Variants in RFTN1 observed in about 807,000 individuals in gnomAD.
RFTN1 encodes the protein raftlin.
Under a neutral mutation model 46.5 loss-of-function variants are expected in RFTN1, and 26 were observed. That is an observed-to-expected ratio of 0.56 (90% CI 0.41 to 0.78). RFTN1 has a LOEUF of 0.78. RFTN1 is among the 30% of genes least tolerant of loss of function. The probability of loss-of-function intolerance (pLI) is 0.00; values close to 1 mark genes in which losing one functional copy is unlikely to be tolerated. For missense variants in RFTN1, 693 were observed against 718.7 expected (o/e 0.96, Z 0.41); for synonymous variants, 261 against 284.2 (o/e 0.92, Z 0.82).
chr3:16,401,513 C>A (rs1294462629), intron 4 of RFTN1, among the ~76,000 whole-genome samples: 1 of 152,090 alleles, frequency 6.6e-6, no homozygotes. Flanking sequence ...TCCCACTTGA[C>A]CTCCTCCCAG....
Position 16,377,877 on chromosome 3 carries a change from G to C in RFTN1, c.667C>G (p.Pro223Ala). The C allele has an allele frequency of 1.2e-6, 2 of 1,614,200 alleles. No individual in the cohort carries two copies. Among genetic ancestry groups the C allele is most frequent in the Non-Finnish European group, 1.7e-6 (2 of 1,180,034 alleles). ...APAGRNQSPE[P>A]SSGPRGEVPL... is the part of the protein sequence containing the mutation. ...ACCTCCCCTCTGGGGCCTGAGCTGG[G>C]CTCTGGGCTTTGGTTTCTCCCAGCC... is the stretch of plus-strand genomic sequence containing the variant. The change falls in exon 5 of 10, where the codon CCC becomes GCC. Residue 223 changes from proline to alanine, a missense_variant. Physicochemically the swap from Pro to Ala is conservative, Grantham distance 27. Coordinates refer to ENST00000334133, the MANE Select transcript of RFTN1 (RefSeq NM_015150.2).
At chr3:16,501,961 G>A (rs1409776556) in intron 1 of RFTN1, among the ~76,000 whole-genome samples, 7 of 152,166 alleles carry the variant, frequency 4.6e-5, no homozygotes, top group Admixed American at 4.6e-4. Context: ...TTTTAAAAGT[G>A]CCTGTGTATT....
In RFTN1 at chr3:16,374,739, G is replaced by A. The variant is rs2125370316; in HGVS notation, c.826+2979C>T. 6.6e-6 allele frequency among the ~76,000 whole-genome samples: 1 copy of A among 152,324 alleles called. No individual in the cohort carries two copies. The highest frequency in any genetic ancestry group is 2.1e-4 in the South Asian group (1 of 4,824). On this transcript the variant is annotated intron_variant, in intron 5 of 9. Coordinates refer to ENST00000334133, the MANE Select transcript of RFTN1 (RefSeq NM_015150.2). This position sits in a 1 kb window ranked among gnomAD's most constrained non-coding sequence, Gnocchi z 5.4. ...TGGAAGCTGTGGCAACGGAGACACT[G>A]AGGCTGTCCCTGCACAGGCTCAGGT...
At chr3:16,423,452 C>T (rs527729832) in intron 3 of RFTN1, among the ~76,000 whole-genome samples, 1 of 152,150 alleles carries the variant, frequency 6.6e-6, no homozygotes, top group African/African-American at 2.4e-5. Flanking sequence ...CACAGCTAAA[C>T]AATTAAAGAG....
rs2071755177 is a variant in RFTN1, at chr3:16,346,863, G to A, written c.1146+11069C>T. On this transcript the variant is annotated intron_variant, in intron 7 of 9. Coordinates refer to ENST00000334133, the MANE Select transcript of RFTN1 (RefSeq NM_015150.2). The surrounding 1 kb of genome is among the most constrained non-coding windows in gnomAD (Gnocchi z 4.4). ...GACAGGCTGAGGATGAGTACAGAAA[G>A]ATGGCAACATCTGGATCCCTGGTGG... Among the ~76,000 whole-genome samples, 1 of 152,180 alleles carries A rather than the reference G, an allele frequency of 6.6e-6. No homozygotes were observed. The highest frequency in any genetic ancestry group is 6.5e-5 in the Admixed American group (1 of 15,284).
intron 1 of RFTN1, among the ~76,000 whole-genome samples, chr3:16,510,461 T>C (rs952462017): frequency 2.2e-4 from 33 of 152,336 alleles, no homozygotes; most frequent in African/African-American, 7.7e-4. Context: ...AAATAAAATA[T>C]TCATCTGATC....
intron 1 of RFTN1, among the ~76,000 whole-genome samples, chr3:16,495,910 G>T (rs1434972397): frequency 6.6e-6 from 1 of 152,222 alleles, no homozygotes; most frequent in Non-Finnish European, 1.5e-5. Context: ...CTTCAGTAGG[G>T]GGGAAGTTAA....
chr3:16,442,585 G>A lies in RFTN1; in HGVS notation c.146-8548C>T, dbSNP rs556920713. 3.3e-5 allele frequency among the ~76,000 whole-genome samples: 5 copies of A among 152,144 alleles called. No individual in the cohort carries two copies. Among genetic ancestry groups the A allele is most frequent in the South Asian group, 2.1e-4 (1 of 4,816 alleles). On this transcript the variant is annotated intron_variant, in intron 2 of 9. Transcript: ENST00000334133. This position sits in a 1 kb window ranked among gnomAD's most constrained non-coding sequence, Gnocchi z 4.1. ...ACATAGTTAGTTTTCTTTTTTGTGC[G>A]TGGTAAGAGTACCTAAAATCTATTC...
chr3:16,481,231 G>A lies in RFTN1; in HGVS notation c.145+12494C>T, dbSNP rs2076361579. On this transcript the variant is annotated intron_variant, in intron 2 of 9. Transcript: ENST00000334133. This position sits in a 1 kb window ranked among gnomAD's most constrained non-coding sequence, Gnocchi z 5.1. ...TAACACTAACGCTAATAGCAGACTTGGTCGCAACATCAAAAGCAACAATAC... is the reference window on the plus strand; with the variant it reads ...TAACACTAACGCTAATAGCAGACTTAGTCGCAACATCAAAAGCAACAATAC... 6.6e-6 allele frequency among the ~76,000 whole-genome samples: 1 copy of A among 152,046 alleles called. No homozygotes were observed. Among genetic ancestry groups the A allele is most frequent in the Admixed American group, 6.6e-5 (1 of 15,262 alleles).
Position 16,409,420 on chromosome 3 carries a change from T to C in RFTN1, c.396A>G (p.Leu132=). 6.2e-7 allele frequency: 1 copy of C among 1,613,830 alleles called. No homozygotes were observed. The highest frequency in any genetic ancestry group is 1.1e-5 in the South Asian group (1 of 91,086). Residue 132 remains leucine, a synonymous_variant, in exon 4 of 10, where the codon TTA becomes TTG. Transcript: ENST00000334133. ...YILELDCCSS[L]DHPTDQKLIP... is the part of the protein sequence containing the mutation. ...TGAGTTTCTGGTCTGTCGGGTGGTCTAAGGAGGAACAGCAATCTAATTCCA... is the reference window on the plus strand; with the variant it reads ...TGAGTTTCTGGTCTGTCGGGTGGTCCAAGGAGGAACAGCAATCTAATTCCA...
rs538227865 is a variant in RFTN1, at chr3:16,489,945, G to A, written c.145+3780C>T. 1.3e-5 allele frequency among the ~76,000 whole-genome samples: 2 copies of A among 152,076 alleles called. No homozygotes were observed. The highest frequency in any genetic ancestry group is 3.9e-4 in the East Asian group (2 of 5,166). On this transcript the variant is annotated intron_variant, in intron 2 of 9. Coordinates refer to ENST00000334133, the MANE Select transcript of RFTN1 (RefSeq NM_015150.2). The surrounding 1 kb of genome is among the most constrained non-coding windows in gnomAD (Gnocchi z 4.0). ...AATAAAGAAAGAAAAATGAGGTGAG[G>A]ACGTAATGTCCTATCACAGGACTGG...
In RFTN1 at chr3:16,481,363, T is replaced by C. The variant is rs1179573533; in HGVS notation, c.145+12362A>G. On this transcript the variant is annotated intron_variant, in intron 2 of 9. Transcript: ENST00000334133. This position sits in a 1 kb window ranked among gnomAD's most constrained non-coding sequence, Gnocchi z 5.1. ...TTCAAACTGTAAGAGCATATTTATCTACTTTGAGACATGTTTTATGGGAAC... is the reference window on the plus strand; with the variant it reads ...TTCAAACTGTAAGAGCATATTTATCCACTTTGAGACATGTTTTATGGGAAC... 6.6e-6 allele frequency among the ~76,000 whole-genome samples: 1 copy of C among 152,218 alleles called. No individual in the cohort carries two copies. Among genetic ancestry groups the C allele is most frequent in the African/African-American group, 2.4e-5 (1 of 41,452 alleles).
At chr3:16,455,817 T>G (rs1196167270) in intron 2 of RFTN1, among the ~76,000 whole-genome samples, 1 of 152,200 alleles carries the variant, frequency 6.6e-6, no homozygotes, top group Non-Finnish European at 1.5e-5. Context: ...TAATTCTACA[T>G]CGGCTGTTCT....
rs543721569 is a variant in RFTN1 at position 16,451,602 on chromosome 3, A to G, written c.146-17565T>C. ...ATAGTAAAGAACCCAATTGCTGCCA[A>G]TCAGAGCACATTTCTCTTCGTGTCT... is the stretch of plus-strand genomic sequence containing the variant. On this transcript the variant is annotated intron_variant, in intron 2 of 9. Transcript: ENST00000334133. The surrounding 1 kb of genome is among the most constrained non-coding windows in gnomAD (Gnocchi z 4.2). Among the ~76,000 whole-genome samples the G allele has an allele frequency of 2.0e-5, 3 of 152,348 alleles. No individual in the cohort carries two copies. The highest frequency in any genetic ancestry group is 3.4e-3 in the Middle Eastern group (1 of 294).
intron 3 of RFTN1, among the ~76,000 whole-genome samples, chr3:16,430,653 T>G: frequency 6.6e-6 from 1 of 152,192 alleles, no homozygotes; most frequent in East Asian, 1.9e-4. Context: ...ACTTTTGCAT[T>G]TTTTTAAAAA....
rs1316815301 is a variant in RFTN1, at chr3:16,370,502, G to A, written c.827-223C>T. On this transcript the variant is annotated intron_variant, in intron 5 of 9. Coordinates refer to ENST00000334133, the MANE Select transcript of RFTN1 (RefSeq NM_015150.2). This position sits in a 1 kb window ranked among gnomAD's most constrained non-coding sequence, Gnocchi z 5.5. ...GACCTGAAGGGTTGGGCTTCTGATGGGGAACTTAGGTTTTTAATCTGGAAT... is the reference window on the plus strand; with the variant it reads ...GACCTGAAGGGTTGGGCTTCTGATGAGGAACTTAGGTTTTTAATCTGGAAT... Among the ~76,000 whole-genome samples the A allele has an allele frequency of 6.6e-6, 1 of 152,178 alleles. No homozygotes were observed. The highest frequency in any genetic ancestry group is 1.5e-5 in the Non-Finnish European group (1 of 68,044).
In RFTN1 at chr3:16,353,057, G is replaced by A. The variant is rs1006312334; in HGVS notation, c.1146+4875C>T. 1.3e-5 allele frequency among the ~76,000 whole-genome samples: 2 copies of A among 152,302 alleles called. No individual in the cohort carries two copies. Among genetic ancestry groups the A allele is most frequent in the Admixed American group, 6.5e-5 (1 of 15,304 alleles). On this transcript the variant is annotated intron_variant, in intron 7 of 9. Coordinates refer to ENST00000334133, the MANE Select transcript of RFTN1 (RefSeq NM_015150.2). This position sits in a 1 kb window ranked among gnomAD's most constrained non-coding sequence, Gnocchi z 5.4. Reference sequence around the variant, plus strand: ...TCAGCACAGGAGGAGGAAAGAGGCAGGAAAGGGACAGACCAGTCCCCACTG... The same window carrying A: ...TCAGCACAGGAGGAGGAAAGAGGCAAGAAAGGGACAGACCAGTCCCCACTG...
chr3:16,405,923 G>A (rs1245934537), intron 4 of RFTN1, among the ~76,000 whole-genome samples: 3 of 152,054 alleles, frequency 2.0e-5, no homozygotes, highest in Admixed American at 1.3e-4. Context: ...TGCAAGTTGA[G>A]GCGGCCAATG....
In RFTN1 at chr3:16,498,536, C is replaced by A. The variant is rs1292668082; in HGVS notation, c.-8-4659G>T. 6.6e-6 allele frequency among the ~76,000 whole-genome samples: 1 copy of A among 152,176 alleles called. No individual in the cohort carries two copies. The highest frequency in any genetic ancestry group is 2.4e-5 in the African/African-American group (1 of 41,432). ...CCAGCCAGCAGCAAAACTGTAATATCATTGAATCCTTGAATCTCAAATTTT... is the reference window on the plus strand; with the variant it reads ...CCAGCCAGCAGCAAAACTGTAATATAATTGAATCCTTGAATCTCAAATTTT... On this transcript the variant is annotated intron_variant, in intron 1 of 9. Coordinates refer to ENST00000334133, the MANE Select transcript of RFTN1 (RefSeq NM_015150.2). The surrounding 1 kb of genome is among the most constrained non-coding windows in gnomAD (Gnocchi z 5.2).
Sources: allele counts gnomAD v4.1 joint callset (sites outside exome capture counted in the v4.1 genomes callset), GRCh38; gene constraint gnomAD v4.1.1; non-coding constraint Gnocchi (gnomAD v3.1); transcripts MANE v1.5; gene names NCBI Gene and HGNC (gene_info 2026-07-23, HGNC 2026-07-21).